The following GABBR2 variants were observed in gnomAD, a reference collection of about 807,000 sequenced individuals.
GABBR2 encodes gamma-aminobutyric acid type B receptor subunit 2, also known as G-protein coupled receptor 51.
Under a neutral mutation model 105.6 loss-of-function variants are expected in GABBR2, and 23 were observed. That is an observed-to-expected ratio of 0.22 (90% CI 0.16 to 0.31). The LOEUF (loss-of-function observed/expected upper bound fraction) is 0.31, where lower values mean the gene tolerates loss of function less well. GABBR2 is among the 10% of genes least tolerant of loss of function. The pLI is 1.00. For synonymous variants in GABBR2, 478 were observed against 499.7 expected (o/e 0.96, Z 0.58); for missense variants, 734 against 1,245.5 (o/e 0.59, Z 6.18).
chr9:98,579,321 G>A (rs759676264), intron 1 of GABBR2, among the ~76,000 whole-genome samples: 9 of 152,166 alleles, frequency 5.9e-5, no homozygotes, highest in African/African-American at 2.2e-4. Context: ...AGTTCACGGC[G>A]ACCCAGCATA....
At chr9:98,577,408 T>C (rs1758799) in intron 2 of GABBR2, among the ~76,000 whole-genome samples, 116,486 of 152,248 alleles carry the variant, frequency 0.77, 45,795 homozygotes, top group African/African-American at 0.94. Context: ...GAGTGAATAA[T>C]TGGCAAGGAG....
chr9:98,535,865 T>C (rs1359816483), intron 3 of GABBR2, among the ~76,000 whole-genome samples: 2 of 152,006 alleles, frequency 1.3e-5, no homozygotes, highest in Non-Finnish European at 2.9e-5. Context: ...AGAGGACTTT[T>C]AGGGTGGTGA....
intron 1 of GABBR2, among the ~76,000 whole-genome samples, chr9:98,621,739 T>C (rs1829673447): frequency 6.6e-6 from 1 of 152,208 alleles, no homozygotes; most frequent in South Asian, 2.1e-4. Context: ...TTTTTATTTG[T>C]CATGATTTTC....
At chr9:98,495,129 C>G (rs925092332) in intron 4 of GABBR2, among the ~76,000 whole-genome samples, 2 of 152,252 alleles carry the variant, frequency 1.3e-5, no homozygotes, top group African/African-American at 4.8e-5. Flanking sequence ...CAAGCAGGCC[C>G]TTCCCTGACT....
At chr9:98,677,464 T>C (rs1335923400) in intron 1 of GABBR2, among the ~76,000 whole-genome samples, 3 of 152,260 alleles carry the variant, frequency 2.0e-5, no homozygotes, top group South Asian at 2.1e-4. Flanking sequence ...CTGGTCCTCA[T>C]GGTGGTTATT....
chr9:98,496,514 C>T lies in GABBR2; in HGVS notation c.631G>A (p.Val211Met). Residue 211 changes from valine (V) to methionine (M), a missense_variant and splice_region_variant, in exon 4 of 19, where the codon GTG becomes ATG. Transcript: ENST00000259455. ...AGAACTCCAGTCAGGTCATTCCGCA[C>T]CTGTCAGCAAAGAGAAAGCAGAGGG... Reference protein sequence around the residue: ...LTQDVQRFSEVRNDLTGVLYG... With the variant: ...LTQDVQRFSEMRNDLTGVLYG... 1 of 1,606,804 alleles carries T rather than the reference C, an allele frequency of 6.2e-7. No homozygotes were observed. The highest frequency in any genetic ancestry group is 8.5e-7 in the Non-Finnish European group (1 of 1,173,596).
chr9:98,441,650 A>G (rs965987805), intron 7 of GABBR2, among the ~76,000 whole-genome samples: 2 of 152,242 alleles, frequency 1.3e-5, no homozygotes, highest in African/African-American at 4.8e-5. Context: ...TACAGGCATG[A>G]GCCACTGCGC....
At chr9:98,706,554 C>G (rs1287494601) in intron 1 of GABBR2, among the ~76,000 whole-genome samples, 2 of 152,192 alleles carry the variant, frequency 1.3e-5, no homozygotes. Flanking sequence ...GTCATCAAGA[C>G]ACACTCGAAA....
At chr9:98,610,104 A>AC (rs1388795026) in intron 1 of GABBR2, among the ~76,000 whole-genome samples, 1 of 152,074 alleles carries the variant, frequency 6.6e-6, no homozygotes, top group Non-Finnish European at 1.5e-5. Context: ...AGTGAACAGC[A>AC]CCCATCCTCC....
In GABBR2 at chr9:98,290,541, TG is replaced by T; in HGVS notation, c.*42del. The T allele has an allele frequency of 7.8e-7, 1 of 1,286,486 alleles. No individual in the cohort carries two copies. The highest frequency in any genetic ancestry group is 1.0e-6 in the Non-Finnish European group (1 of 994,066). The allele number at this position is 1,286,486 out of a possible 1,614,324, so 79.7% of individuals were successfully genotyped here. On this transcript the variant is annotated 3_prime_UTR_variant, in exon 19 of 19. Transcript: ENST00000259455. ...CTGCAGCAGACCCCTCTGCCCAGTGTGGTTCTGTCACGGGGGAGGCCCCGGG... is the reference window on the plus strand; with the variant it reads ...CTGCAGCAGACCCCTCTGCCCAGTGTGTTCTGTCACGGGGGAGGCCCCGGG...
chr9:98,345,682 A>G (rs1040091069), intron 13 of GABBR2, among the ~76,000 whole-genome samples: 5 of 152,246 alleles, frequency 3.3e-5, no homozygotes, highest in African/African-American at 1.2e-4. Context: ...TGCAAATGAC[A>G]TGATCGTCTA....
At chr9:98,297,010 C>T (rs957126346) in intron 17 of GABBR2, among the ~76,000 whole-genome samples, 1 of 151,984 alleles carries the variant, frequency 6.6e-6, no homozygotes, top group African/African-American at 2.4e-5. Context: ...CTAGTACTTT[C>T]ATGTTTTCAT....
Position 98,394,677 on chromosome 9 carries a change from G to T in GABBR2, c.1298-422C>A, listed in dbSNP as rs544235574. 4.6e-5 allele frequency among the ~76,000 whole-genome samples: 7 copies of T among 152,290 alleles called. No homozygotes were observed. In the East Asian group the frequency reaches 1.4e-3, roughly 29 times the overall value. On this transcript the variant is annotated intron_variant, in intron 8 of 18. Coordinates refer to ENST00000259455, the MANE Select transcript of GABBR2 (RefSeq NM_005458.8). Reference sequence around the variant, plus strand: ...CCCAGATACTTGAAGACAAAGACAGGTCAGTCTGCTGATACCACCCCCCAA... The same window carrying T: ...CCCAGATACTTGAAGACAAAGACAGTTCAGTCTGCTGATACCACCCCCCAA...
chr9:98,708,376 G>T, intron 1 of GABBR2, 41 bp downstream of exon 1: 1 of 1,328,196 alleles, frequency 7.5e-7, no homozygotes. Flanking sequence ...CCACCCCAAT[G>T]CCCCCCGAAG....
chr9:98,683,157 G>A (rs1318344781), intron 1 of GABBR2, among the ~76,000 whole-genome samples: 10 of 151,722 alleles, frequency 6.6e-5, no homozygotes, highest in African/African-American at 1.5e-4. Context: ...GCAATGGCGC[G>A]ATCTCAGCTC....
intron 8 of GABBR2, among the ~76,000 whole-genome samples, chr9:98,403,600 C>G (rs1162061122): frequency 6.6e-6 from 1 of 152,104 alleles, no homozygotes; most frequent in Non-Finnish European, 1.5e-5. Flanking sequence ...CTATACATCA[C>G]TAAGTGCAGG....
chr9:98,465,023 T>TAGGCAGA (rs747060367), intron 6 of GABBR2, among the ~76,000 whole-genome samples: 265 of 151,528 alleles, frequency 1.7e-3, no homozygotes, highest in Middle Eastern at 3.4e-3. Flanking sequence ...CAGAGACCTT[T>TAGGCAGA]GTTCTTGTGT....
At chr9:98,673,318 G>T (rs10512259) in intron 1 of GABBR2, among the ~76,000 whole-genome samples, 3 of 152,018 alleles carry the variant, frequency 2.0e-5, no homozygotes, top group Non-Finnish European at 4.4e-5. Context: ...ATAGATAATC[G>T]CCTCGTGCAG....
At chr9:98,470,867 C>T (rs954895828) in intron 6 of GABBR2, among the ~76,000 whole-genome samples, 1 of 152,168 alleles carries the variant, frequency 6.6e-6, no homozygotes, top group Admixed American at 6.5e-5. Context: ...TATCTGGCAC[C>T]CTTTTAAATT....
Sources: allele counts gnomAD v4.1 joint callset (sites outside exome capture counted in the v4.1 genomes callset), GRCh38; gene constraint gnomAD v4.1.1; transcripts MANE v1.5; gene names NCBI Gene and HGNC (gene_info 2026-07-23, HGNC 2026-07-21).